Variants in SH3PXD2A observed in about 807,000 individuals in gnomAD.
SH3PXD2A encodes the protein SH3 and PX domains 2A.
A neutral mutation model predicts 115.2 loss-of-function variants in SH3PXD2A; 32 were observed. That is an observed-to-expected ratio of 0.28 (90% CI 0.21 to 0.37). The LOEUF (loss-of-function observed/expected upper bound fraction) is 0.37. Among genes scored for constraint, SH3PXD2A ranks in the 10% least tolerant of loss-of-function variants. The pLI, the probability that SH3PXD2A is intolerant of heterozygous loss-of-function variation, is 1.00. For missense variants in SH3PXD2A, 1,328 were observed against 1,498.7 expected (o/e 0.89, Z 1.88); for synonymous variants, 610 against 629.1 (o/e 0.97, Z 0.45).
At chr10:103,723,841 G>A (rs575015677) in intron 5 of SH3PXD2A, among the ~76,000 whole-genome samples, 1 of 152,316 alleles carries the variant, frequency 6.6e-6, no homozygotes, top group African/African-American at 2.4e-5. Context: ...GCCCAGGACT[G>A]CTGTTATTTG....
At chr10:103,761,506 A>G (rs2038699354) in intron 3 of SH3PXD2A, among the ~76,000 whole-genome samples, 1 of 152,242 alleles carries the variant, frequency 6.6e-6, no homozygotes, top group African/African-American at 2.4e-5. Flanking sequence ...TCTTATTTGT[A>G]ATCATTAAAA....
chr10:103,664,419 T>C (rs113978342), intron 7 of SH3PXD2A, among the ~76,000 whole-genome samples: 10 of 152,234 alleles, frequency 6.6e-5, no homozygotes, highest in African/African-American at 2.2e-4. Context: ...ATGCAGTAGG[T>C]CCTGTGATGG....
chr10:103,695,021 C>T (rs1409495600), intron 5 of SH3PXD2A, among the ~76,000 whole-genome samples: 1 of 152,148 alleles, frequency 6.6e-6, no homozygotes, highest in African/African-American at 2.4e-5. Context: ...GTAGCTGTGT[C>T]CTGCCCAGAA....
Position 103,596,320 on chromosome 10 carries a change from C to G in SH3PXD2A, c.*5496G>C, listed in dbSNP as rs547577727. 6.9e-4 allele frequency: 106 copies of G among 152,708 alleles called. No homozygotes were observed. The highest frequency in any genetic ancestry group is 2.4e-3 in the African/African-American group (101 of 41,546). The allele number at this position is 152,708 out of a possible 1,614,324, so 9.5% of individuals were successfully genotyped here. ...TCAGTGTTTCTATTCCCAGTGGCAT[C>G]TCTTTTGCACATCTTCATTTTGGAG... On this transcript the variant is annotated 3_prime_UTR_variant, in exon 15 of 15. Transcript: ENST00000369774.
chr10:103,625,799 A>G (rs1329993183), intron 9 of SH3PXD2A, among the ~76,000 whole-genome samples: 1 of 152,256 alleles, frequency 6.6e-6, no homozygotes, highest in Non-Finnish European at 1.5e-5. Context: ...CTGAGACATG[A>G]GAATTGCTTG....
chr10:103,720,673 C>T (rs942149543), intron 5 of SH3PXD2A, among the ~76,000 whole-genome samples: 3 of 152,202 alleles, frequency 2.0e-5, no homozygotes, highest in South Asian at 2.1e-4. Flanking sequence ...TGCTGTTACT[C>T]GATCCCGTGT....
At chr10:103,624,866 C>T (rs967207227) in intron 9 of SH3PXD2A, among the ~76,000 whole-genome samples, 2 of 152,144 alleles carry the variant, frequency 1.3e-5, no homozygotes, top group African/African-American at 4.8e-5. Flanking sequence ...ATCCCTGAGC[C>T]CTTCTGTAGA....
intron 8 of SH3PXD2A, among the ~76,000 whole-genome samples, chr10:103,638,061 C>T (rs575681924): frequency 6.6e-6 from 1 of 152,334 alleles, no homozygotes; most frequent in Non-Finnish European, 1.5e-5. Flanking sequence ...CCTCCATGGT[C>T]CAAAGCAAAC....
chr10:103,828,295 G>A (rs1290932430), intron 1 of SH3PXD2A, among the ~76,000 whole-genome samples: 1 of 152,234 alleles, frequency 6.6e-6, no homozygotes, highest in Admixed American at 6.5e-5. Flanking sequence ...TCTTCCTGAT[G>A]ATTCATGAAC....
chr10:103,603,591 C>G lies in SH3PXD2A; in HGVS notation c.1627G>C (p.Glu543Gln). ...AGCTTCCGCGGGGAGTCCTGGCTCT[C>G]ACTGGCCCCCGTAGGGCCCTCCTCG... ...EAEEGPTGASESQDSPRKLKY... is the reference protein window; with the variant it reads ...EAEEGPTGASQSQDSPRKLKY... The change falls in exon 15 of 15, where the codon GAG becomes CAG. Residue 543 changes from glutamate (E) to glutamine (Q), a missense_variant. Glu to Gln is a conservative substitution (Grantham distance 29). Around this residue, in one of 5 missense-constraint regions of SH3PXD2A, gnomAD observed 509 missense variants for 628.3 expected, o/e 0.81. Transcript: ENST00000369774. 1 of 1,607,666 alleles carries G rather than the reference C, an allele frequency of 6.2e-7. No individual in the cohort carries two copies. The highest frequency in any genetic ancestry group is 8.5e-7 in the Non-Finnish European group (1 of 1,177,112).
intron 2 of SH3PXD2A, among the ~76,000 whole-genome samples, chr10:103,794,450 G>C (rs1034148613): frequency 1.2e-4 from 18 of 152,200 alleles, no homozygotes; most frequent in African/African-American, 4.1e-4. Flanking sequence ...GCGCTTTGTA[G>C]GTCAGGTTGT....
intron 7 of SH3PXD2A, among the ~76,000 whole-genome samples, chr10:103,663,316 C>G (rs547859465): frequency 6.6e-6 from 1 of 152,360 alleles, no homozygotes; most frequent in Non-Finnish European, 1.5e-5. Flanking sequence ...TCCCCCTTAT[C>G]TTCCATTTCA....
intron 5 of SH3PXD2A, among the ~76,000 whole-genome samples, chr10:103,710,899 G>A (rs188718206): frequency 1.3e-5 from 2 of 152,202 alleles, no homozygotes; most frequent in South Asian, 2.1e-4. Flanking sequence ...AGTGGGGCAC[G>A]GTGGCATGTG....
chr10:103,614,590 T>C (rs2036479866), intron 11 of SH3PXD2A, among the ~76,000 whole-genome samples: 1 of 152,216 alleles, frequency 6.6e-6, no homozygotes, highest in African/African-American at 2.4e-5. Context: ...CTTTTCCTTT[T>C]TTCCTCGTGG....
At chr10:103,842,958 T>C (rs1457832475) in intron 1 of SH3PXD2A, among the ~76,000 whole-genome samples, 1 of 152,112 alleles carries the variant, frequency 6.6e-6, no homozygotes, top group East Asian at 1.9e-4. Flanking sequence ...ACAGTTAACA[T>C]TATAAAAATT....
intron 8 of SH3PXD2A, 116 bp downstream of exon 8, chr10:103,660,867 G>A: frequency 3.3e-6 from 4 of 1,211,848 alleles, no homozygotes; most frequent in Non-Finnish European, 3.6e-6. Context: ...CCCTCTCTCT[G>A]CCAGATGGAA....
chr10:103,793,912 T>C (rs1179908517), intron 2 of SH3PXD2A, among the ~76,000 whole-genome samples: 1 of 152,230 alleles, frequency 6.6e-6, no homozygotes, highest in Non-Finnish European at 1.5e-5. Context: ...CTGCTTTGGA[T>C]ATTAAACCAA....
intron 8 of SH3PXD2A, among the ~76,000 whole-genome samples, chr10:103,647,925 G>A (rs1450490461): frequency 6.6e-6 from 1 of 152,002 alleles, no homozygotes; most frequent in African/African-American, 2.4e-5. Flanking sequence ...AGGAGAAGAG[G>A]GTCCCCTAGG....
intron 8 of SH3PXD2A, among the ~76,000 whole-genome samples, chr10:103,636,677 C>G (rs2036870956): frequency 6.6e-6 from 1 of 152,080 alleles, no homozygotes; most frequent in African/African-American, 2.4e-5. Context: ...CAGAGTCAGG[C>G]CAGCTGCACA....
Sources: allele counts gnomAD v4.1 joint callset (sites outside exome capture counted in the v4.1 genomes callset), GRCh38; gene constraint gnomAD v4.1.1; regional missense constraint gnomAD v4.1.1; transcripts MANE v1.5; gene names NCBI Gene and HGNC (gene_info 2026-07-23, HGNC 2026-07-21).